ITGAV: variants seen among roughly 807,000 people sequenced by gnomAD.
ITGAV encodes the protein integrin subunit alpha V, also known as integrin alpha-V.
Under a neutral mutation model 143.8 loss-of-function variants are expected in ITGAV, and 76 were observed. The observed-to-expected ratio is 0.53, with a 90% CI of 0.44 to 0.64. The LOEUF is 0.64. Ranked by LOEUF, ITGAV falls within the 30% of genes least tolerant of loss-of-function variation. The probability of loss-of-function intolerance (pLI) is 0.00; values close to 1 mark genes in which losing one functional copy is unlikely to be tolerated. For synonymous variants in ITGAV, 453 were observed against 446.7 expected (o/e 1.01, Z -0.18); for missense variants, 1,193 against 1,274.7 (o/e 0.94, Z 0.98).
At chr2:186,618,526 A>G (rs1687431244) in intron 2 of ITGAV, among the ~76,000 whole-genome samples, 1 of 152,262 alleles carries the variant, frequency 6.6e-6, no homozygotes, top group Non-Finnish European at 1.5e-5. Context: ...GAAATAGGAA[A>G]CAGAACATGG....
Position 186,633,325 on chromosome 2 carries a change from C to T in ITGAV, c.586-4C>T, listed in dbSNP as rs777144415. ...ATATCTTTTTGTTGTGTGATTTCAT[C>T]TAGGCTGACAGAGTACTTCTTGGTG... On this transcript the variant is annotated splice_polypyrimidine_tract_variant and splice_region_variant and intron_variant, in intron 5 of 29. Coordinates refer to ENST00000261023, the MANE Select transcript of ITGAV (RefSeq NM_002210.5). 3.2e-6 allele frequency: 5 copies of T among 1,571,140 alleles called. No homozygotes were observed. The South Asian group carries it at 4.6e-5, about 14-fold the overall frequency.
At chr2:186,602,281 A>G in intron 2 of ITGAV, 130 bp downstream of exon 2, 1 of 622,644 alleles carries the variant, frequency 1.6e-6, no homozygotes, top group Non-Finnish European at 2.6e-6. Context: ...GGAAAATTAT[A>G]TAAAGACAAA....
At chr2:186,644,868 CA>C (rs1688210083) in intron 12 of ITGAV, among the ~76,000 whole-genome samples, 1 of 151,796 alleles carries the variant, frequency 6.6e-6, no homozygotes. Flanking sequence ...TTTGAGATCC[CA>C]GGCTTAATGG....
At chr2:186,658,988 A>G in intron 17 of ITGAV, 50 bp from the exon 18 acceptor site, 3 of 1,469,928 alleles carry the variant, frequency 2.0e-6, no homozygotes, top group Non-Finnish European at 2.8e-6. Flanking sequence ...GGATTTCTCC[A>G]GATAATTTAG....
rs200142528 is a variant in ITGAV at position 186,676,918 on chromosome 2, G to T, written c.3034G>T (p.Val1012Leu). The T allele has an allele frequency of 5.0e-6, 8 of 1,613,574 alleles. No homozygotes were observed. Among genetic ancestry groups the T allele is most frequent in the Middle Eastern group, 1.7e-4 (1 of 6,058 alleles). ...LAGLLLLAVL[V>L]FVMYRMGFFK... ...AGGATTGTTGCTACTGGCTGTTTTG[G>T]TATTTGTAATGTACAGGGTAAGTAA... The change falls in exon 29 of 30, where the codon GTA becomes TTA. Residue 1012 changes from valine to leucine, a missense_variant. Coordinates refer to ENST00000261023, the MANE Select transcript of ITGAV (RefSeq NM_002210.5).
At chr2:186,653,291 C>T (rs1402578569) in intron 15 of ITGAV, among the ~76,000 whole-genome samples, 1 of 152,046 alleles carries the variant, frequency 6.6e-6, no homozygotes, top group African/African-American at 2.4e-5. Flanking sequence ...CAGTATCTTT[C>T]TCATACATAT....
chr2:186,596,035 C>A (rs1422189589), intron 1 of ITGAV, among the ~76,000 whole-genome samples: 1 of 152,152 alleles, frequency 6.6e-6, no homozygotes, highest in African/African-American at 2.4e-5. Context: ...TTCTACTCTT[C>A]TAGGGAATAA....
At chr2:186,665,277 T>G in intron 21 of ITGAV, 59 bp downstream of exon 21, 1 of 1,061,938 alleles carries the variant, frequency 9.4e-7, no homozygotes, top group South Asian at 1.3e-5. Context: ...CATATTGTTG[T>G]CTGGGCTCAT....
chr2:186,597,578 G>C (rs1686779745), intron 1 of ITGAV, among the ~76,000 whole-genome samples: 1 of 152,170 alleles, frequency 6.6e-6, no homozygotes, highest in South Asian at 2.1e-4. Flanking sequence ...CATAAGGTAG[G>C]CAGAATAGTT....
Position 186,677,280 on chromosome 2 carries a change from C to T in ITGAV, c.3135C>T (p.Asn1045=), listed in dbSNP as rs1005605597. The T allele has an allele frequency of 1.2e-6, 2 of 1,612,530 alleles. No homozygotes were observed. Among genetic ancestry groups the T allele is most frequent in the African/African-American group, 2.7e-5 (2 of 74,840 alleles). ...QLQPHENGEG[N]SET ...AACCTCATGAAAATGGTGAAGGAAA[C>T]TCAGAAACTTAACTGCAGTTTTTAA... is the stretch of plus-strand genomic sequence containing the variant. The change falls in exon 30 of 30, where the codon AAC becomes AAT. Residue 1045 remains asparagine, a synonymous_variant. Transcript: ENST00000261023.
chr2:186,656,717 A>C (rs764310124), intron 17 of ITGAV, among the ~76,000 whole-genome samples: 37 of 152,306 alleles, frequency 2.4e-4, no homozygotes, highest in Non-Finnish European at 4.6e-4. Flanking sequence ...ATCAACTAAA[A>C]AACTCCAGTG....
chr2:186,600,298 T>TCCCCC, intron 1 of ITGAV: 3 of 1,528,532 alleles, frequency 2.0e-6, no homozygotes, highest in Non-Finnish European at 2.7e-6. Context: ...ACTTCCCTCA[T>TCCCCC]CCCCACCCCC....
At chr2:186,596,452 CTTT>C (rs368936394) in intron 1 of ITGAV, among the ~76,000 whole-genome samples, 3 of 136,368 alleles carry the variant, frequency 2.2e-5, no homozygotes, top group Admixed American at 7.3e-5. Flanking sequence ...GTATGTGTTG[CTTT>C]TTTTTTTTTT....
Position 186,625,662 on chromosome 2 carries a change from G to GGTGT in ITGAV, c.523+89_523+92dup, listed in dbSNP as rs55864210. On this transcript the variant is annotated intron_variant, in intron 4 of 29. Coordinates refer to ENST00000261023, the MANE Select transcript of ITGAV (RefSeq NM_002210.5). ...AGTTTGTTAAAAATATGTGTGTGTG[G>GGTGT]GTGTGTGTGTGTGTGTGAGAGAGAG... is the stretch of plus-strand genomic sequence containing the variant. 6.3e-3 allele frequency: 3,391 copies of GGTGT among 535,598 alleles called. 82 individuals carry two copies. The highest frequency in any genetic ancestry group is 0.057 in the African/African-American group (2,932 of 51,128). 33.2% of individuals were successfully genotyped at this position (535,598 alleles called of 1,614,324 possible). A position where few individuals can be genotyped will look rare whatever the true frequency, so the allele number is the denominator to read the frequency against.
chr2:186,596,496 C>T (rs1337590885), intron 1 of ITGAV, among the ~76,000 whole-genome samples: 1 of 149,688 alleles, frequency 6.7e-6, no homozygotes, highest in Non-Finnish European at 1.5e-5. Flanking sequence ...GTTGCCCAGG[C>T]TAGAGTGCAG....
intron 26 of ITGAV, 103 bp downstream of exon 26, chr2:186,669,917 CA>C: frequency 1.3e-6 from 1 of 756,212 alleles, no homozygotes. Context: ...TGTGCTTGAA[CA>C]ACTACATTTA....
chr2:186,643,825 A>C (rs993967406), intron 12 of ITGAV, among the ~76,000 whole-genome samples: 1 of 152,262 alleles, frequency 6.6e-6, no homozygotes. Context: ...TAGCGAAGAG[A>C]GAAGATGATT....
intron 2 of ITGAV, among the ~76,000 whole-genome samples, chr2:186,613,804 C>T (rs1051053010): frequency 1.8e-4 from 28 of 152,128 alleles, no homozygotes; most frequent in South Asian, 1.0e-3. Context: ...ACTAAGTCAA[C>T]GAAATCATTA....
chr2:186,668,067 G>A (rs563955159), intron 24 of ITGAV: 1 of 164,530 alleles, frequency 6.1e-6, no homozygotes, highest in East Asian at 1.6e-4. Flanking sequence ...TGTAGTTCTG[G>A]CTAAAAATTG....
Sources: gnomAD v4.1 joint callset for allele counts (sites outside exome capture counted in the v4.1 genomes callset) on GRCh38, gnomAD v4.1.1 for gene constraint, MANE v1.5 for transcripts, NCBI Gene and HGNC (gene_info 2026-07-23, HGNC 2026-07-21) for gene names.